The following GALNT8 variants were observed in gnomAD, a reference collection of about 807,000 sequenced individuals.
The protein encoded by GALNT8 is polypeptide N-acetylgalactosaminyltransferase 8.
In GALNT8, 66 loss-of-function variants were observed where a neutral mutation model predicts 62.7. The ratio of observed to expected loss-of-function variants is 1.05; its 90% CI spans 0.86 to 1.29. The LOEUF (loss-of-function observed/expected upper bound fraction) is 1.29. Ranked by LOEUF, GALNT8 falls within the 50% of genes most tolerant of loss-of-function variation. The pLI is 0.00. For missense variants in GALNT8, 771 were observed against 791.8 expected (o/e 0.97, Z 0.32); for synonymous variants, 288 against 294.3 (o/e 0.98, Z 0.22).
chr12:4,743,702 C>G (rs1946282504), intron 3 of GALNT8, among the ~76,000 whole-genome samples: 1 of 152,136 alleles, frequency 6.6e-6, no homozygotes, highest in Admixed American at 6.5e-5. Context: ...CTCTTTGTGC[C>G]TCAGTTTCTT....
chr12:4,745,965 A>G (rs1487934813), intron 5 of GALNT8, among the ~76,000 whole-genome samples, 179 bp from the exon 6 acceptor site: 1 of 152,222 alleles, frequency 6.6e-6, no homozygotes, highest in Non-Finnish European at 1.5e-5. Context: ...AAGGGTTATG[A>G]TAACGCAGTG....
chr12:4,772,269 G>T (rs1946428053), intron 10 of GALNT8, among the ~76,000 whole-genome samples, 176 bp from the exon 11 acceptor site: 1 of 152,248 alleles, frequency 6.6e-6, no homozygotes, highest in Non-Finnish European at 1.5e-5. Context: ...GCTGGTAGAG[G>T]AAGCACGGGG....
intron 8 of GALNT8, 103 bp from the exon 9 acceptor site, chr12:4,763,849 C>A (rs1398420734): frequency 1.4e-6 from 1 of 722,394 alleles, no homozygotes; most frequent in Admixed American, 2.0e-5. Context: ...GCTGGTCGTT[C>A]CTGGTGTCCT....
chr12:4,768,968 T>C (rs1042849577), intron 10 of GALNT8, among the ~76,000 whole-genome samples: 4 of 152,112 alleles, frequency 2.6e-5, no homozygotes, highest in Non-Finnish European at 5.9e-5. Context: ...GTGTTTTGGG[T>C]GTACCAGAGG....
chr12:4,726,009 C>CTAAT lies in GALNT8; in HGVS notation c.212-522_212-519dup. The stretch of plus-strand genomic sequence containing the variant: ...AGGTTAGATTTGCCTTTGTTAGGCA[C>CTAAT]TAATGGTGTAGTAAGTGTTTCTTAA... On this transcript the variant is annotated intron_variant, in intron 1 of 10. Coordinates refer to ENST00000252318, the MANE Select transcript of GALNT8 (RefSeq NM_017417.2). This position sits in a 1 kb window ranked among gnomAD's most constrained non-coding sequence, Gnocchi z 4.1. Among the ~76,000 whole-genome samples, 1 of 152,264 alleles carries CTAAT rather than the reference C, an allele frequency of 6.6e-6. No individual in the cohort carries two copies. The highest frequency in any genetic ancestry group is 3.4e-3 in the Middle Eastern group (1 of 294).
At chr12:4,725,304 G>C (rs930253966) in intron 1 of GALNT8, among the ~76,000 whole-genome samples, 3 of 152,210 alleles carry the variant, frequency 2.0e-5, no homozygotes, top group African/African-American at 4.8e-5. Flanking sequence ...GGGTGGAAAG[G>C]TGAGGTAAAT....
intron 10 of GALNT8, among the ~76,000 whole-genome samples, chr12:4,767,419 G>T (rs1946404831): frequency 6.6e-6 from 1 of 152,244 alleles, no homozygotes; most frequent in Admixed American, 6.5e-5. Context: ...CAGGCCTGGA[G>T]ATATTAGCTT....
At position 4,745,705 on chromosome 12, in the gene GALNT8, G is replaced by C. The variant is rs116255341; in HGVS notation, c.1058+79G>C. On this transcript the variant is annotated intron_variant, in intron 5 of 10. Transcript: ENST00000252318. ...AACTGAATGGATTTTGTTTATCTTTGGTGGTAGTAATTGGGGTGACGTGGA... is the reference window on the plus strand; with the variant it reads ...AACTGAATGGATTTTGTTTATCTTTCGTGGTAGTAATTGGGGTGACGTGGA... 1.6e-3 allele frequency: 1,840 copies of C among 1,117,674 alleles called. 18 individuals carry two copies. The African/African-American group carries it at 0.023, about 14-fold the overall frequency. 69.2% of individuals were successfully genotyped at this position (1,117,674 alleles called of 1,614,324 possible).
In GALNT8 at chr12:4,720,420, G is replaced by A. The variant is rs12367189; in HGVS notation, c.-258G>A. Reference sequence around the variant, plus strand: ...GGAGTGTTATCTCCCTGAGCAACCTGTGGAAAGCCGCTGAGCAACCTGTGG... The same window carrying A: ...GGAGTGTTATCTCCCTGAGCAACCTATGGAAAGCCGCTGAGCAACCTGTGG... On this transcript the variant is annotated 5_prime_UTR_variant, in exon 1 of 11. The change creates a new upstream start codon in the 5' untranslated region. Transcript: ENST00000252318. 84,147 of 495,032 alleles carry A rather than the reference G, an allele frequency of 0.17. 7,961 individuals are homozygous for A. Among genetic ancestry groups the A allele is most frequent in the Non-Finnish European group, 0.2 (54,620 of 272,310 alleles). The allele number at this position is 495,032 out of a possible 1,614,324, so 30.7% of individuals were successfully genotyped here.
chr12:4,739,076 ACAT>A (rs770183983), intron 2 of GALNT8, 84 bp from the exon 3 acceptor site: 2 of 808,430 alleles, frequency 2.5e-6, no homozygotes, highest in Non-Finnish European at 3.8e-6. Flanking sequence ...GGTCGATATA[ACAT>A]CATACAGAGT....
At chr12:4,762,289 T>G (rs12422704) in intron 7 of GALNT8, among the ~76,000 whole-genome samples, 2 of 151,970 alleles carry the variant, frequency 1.3e-5, no homozygotes, top group Non-Finnish European at 2.9e-5. Flanking sequence ...AATACTGAAC[T>G]GTCAAAGGAT....
intron 1 of GALNT8, among the ~76,000 whole-genome samples, chr12:4,723,389 T>A (rs1287369707): frequency 6.6e-6 from 1 of 152,142 alleles, no homozygotes; most frequent in Non-Finnish European, 1.5e-5. Context: ...AGGATGCCTG[T>A]GTACCTAGGG....
At position 4,745,486 on chromosome 12, in the gene GALNT8, G is replaced by GT. The variant is rs758833190; in HGVS notation, c.921dup (p.Asp308Ter). 5.6e-6 allele frequency: 9 copies of GT among 1,613,272 alleles called. No individual in the cohort carries two copies. The East Asian group carries it at 1.3e-4, about 24-fold the overall frequency. ...ACCGCACTGTGATTGTGTCTCCTGT[G>GT]TTTGACAACATTCGTTTTGACACCT... is the stretch of plus-strand genomic sequence containing the variant. On this transcript the variant is annotated frameshift_variant, in exon 5 of 11. Coordinates refer to ENST00000252318, the MANE Select transcript of GALNT8 (RefSeq NM_017417.2). LOFTEE classifies it high-confidence loss of function.
chr12:4,772,300 C>A, intron 10 of GALNT8, 145 bp from the exon 11 acceptor site: 1 of 703,372 alleles, frequency 1.4e-6, no homozygotes, highest in Non-Finnish European at 2.4e-6. Context: ...CTACATTCTG[C>A]TTCCCTTTCT....
intron 3 of GALNT8, among the ~76,000 whole-genome samples, chr12:4,740,578 C>T (rs901386516): frequency 1.3e-5 from 2 of 152,022 alleles, no homozygotes; most frequent in African/African-American, 4.8e-5. Flanking sequence ...AGTATGCCAC[C>T]ACACCCAGCT....
At chr12:4,766,855 G>A (rs1432401121) in intron 10 of GALNT8, among the ~76,000 whole-genome samples, 1 of 151,872 alleles carries the variant, frequency 6.6e-6, no homozygotes, top group African/African-American at 2.4e-5. Flanking sequence ...TTCATTGCTA[G>A]CTATGGAGTC....
intron 10 of GALNT8, among the ~76,000 whole-genome samples, chr12:4,769,113 G>A (rs1946412102): frequency 6.6e-6 from 1 of 152,172 alleles, no homozygotes; most frequent in South Asian, 2.1e-4. Flanking sequence ...CTGAAATAAG[G>A]GGGCATTTGG....
intron 6 of GALNT8, among the ~76,000 whole-genome samples, chr12:4,750,192 C>CT (rs1039382120): frequency 3.8e-4 from 57 of 151,044 alleles, no homozygotes; most frequent in African/African-American, 1.4e-3. Flanking sequence ...TATTTTTTAA[C>CT]TTTCATTTTA....
intron 3 of GALNT8, among the ~76,000 whole-genome samples, chr12:4,743,223 T>A (rs1946280008): frequency 6.6e-6 from 1 of 152,172 alleles, no homozygotes; most frequent in African/African-American, 2.4e-5. Context: ...AGTGACTGAA[T>A]TAGAATCTAG....
Sources: gnomAD v4.1 joint callset for allele counts (sites outside exome capture counted in the v4.1 genomes callset) on GRCh38, gnomAD v4.1.1 for gene constraint, Gnocchi (gnomAD v3.1) non-coding constraint, MANE v1.5 for transcripts, NCBI Gene and HGNC (gene_info 2026-07-23, HGNC 2026-07-21) for gene names.